ARL13B: variants seen among roughly 807,000 people sequenced by gnomAD.
ARL13B encodes ARF like GTPase 13B.
In ARL13B, 36 loss-of-function variants were observed where a neutral mutation model predicts 56.1. The observed-to-expected ratio is 0.64, with a 90% CI of 0.49 to 0.85. The LOEUF is 0.85. Among genes scored for constraint, ARL13B ranks in the 40% least tolerant of loss-of-function variants. The pLI is 0.00. For synonymous variants in ARL13B, 178 were observed against 171.1 expected, an observed-to-expected ratio of 1.04 and a Z score of -0.32; for missense variants, 519 against 507.1, an observed-to-expected ratio of 1.02 and a Z score of -0.23.
At position 94,053,371 on chromosome 3, in the gene ARL13B, A is replaced by G. The variant is rs775570272; in HGVS notation, c.*108A>G. 1.0e-6 allele frequency: 1 copy of G among 993,424 alleles called. No homozygotes were observed. Among genetic ancestry groups the G allele is most frequent in the South Asian group, 1.3e-5 (1 of 75,526 alleles). The allele number at this position is 993,424 out of a possible 1,614,324, so 61.5% of individuals were successfully genotyped here. A position where few individuals can be genotyped will look rare whatever the true frequency, so the allele number is the denominator to read the frequency against. On this transcript the variant is annotated 3_prime_UTR_variant, in exon 10 of 10. Coordinates refer to ENST00000394222, the MANE Select transcript of ARL13B (RefSeq NM_001174150.2). ...AATTGATGACTGGGGCAAGATAACCATAATAATTTTAGTGAGAAGATTAAT... is the reference window on the plus strand; with the variant it reads ...AATTGATGACTGGGGCAAGATAACCGTAATAATTTTAGTGAGAAGATTAAT...
intron 8 of ARL13B, among the ~76,000 whole-genome samples, chr3:94,049,866 G>A (rs2107193805): frequency 6.6e-6 from 1 of 151,762 alleles, no homozygotes; most frequent in East Asian, 1.9e-4. Flanking sequence ...TTAAAACATT[G>A]AACCGGCTCG....
At chr3:94,005,366 T>C (rs2076117346) in intron 3 of ARL13B, among the ~76,000 whole-genome samples, 1 of 152,214 alleles carries the variant, frequency 6.6e-6, no homozygotes, top group Non-Finnish European at 1.5e-5. Context: ...GTTGCTCTTA[T>C]AATTAGAATG....
At chr3:94,025,761 G>A (rs1012777155) in intron 3 of ARL13B, among the ~76,000 whole-genome samples, 14 of 152,038 alleles carry the variant, frequency 9.2e-5, no homozygotes, top group African/African-American at 3.4e-4. Context: ...GATTTTTATA[G>A]CCTAAGTGGA....
At chr3:94,024,115 A>G (rs2076506338) in intron 3 of ARL13B, among the ~76,000 whole-genome samples, 1 of 152,192 alleles carries the variant, frequency 6.6e-6, no homozygotes, top group Non-Finnish European at 1.5e-5. Flanking sequence ...TGTCACTATG[A>G]ATTGTTTTTT....
At chr3:94,012,536 C>A (rs2076243145) in intron 3 of ARL13B, among the ~76,000 whole-genome samples, 1 of 152,086 alleles carries the variant, frequency 6.6e-6, no homozygotes, top group Non-Finnish European at 1.5e-5. Context: ...GTCAGACTGC[C>A]TGGGTTCATA....
intron 3 of ARL13B, among the ~76,000 whole-genome samples, chr3:94,024,786 C>T (rs2076521924): frequency 6.6e-6 from 1 of 151,998 alleles, no homozygotes. Context: ...TGAGGTCTTG[C>T]TGTGTTGCTC....
At chr3:94,030,279 T>C (rs2076651780) in intron 3 of ARL13B, among the ~76,000 whole-genome samples, 1 of 152,038 alleles carries the variant, frequency 6.6e-6, no homozygotes, top group African/African-American at 2.4e-5. Context: ...CAGCCTGGAG[T>C]GCAGTGGCGC....
rs151043216 is a variant in ARL13B, at chr3:93,996,917, C to T, written c.130+973C>T. 4.6e-5 allele frequency among the ~76,000 whole-genome samples: 7 copies of T among 152,230 alleles called. No individual in the cohort carries two copies. In the East Asian group the frequency reaches 1.4e-3, roughly 30 times the overall value. On this transcript the variant is annotated intron_variant, in intron 2 of 9. Coordinates refer to ENST00000394222, the MANE Select transcript of ARL13B (RefSeq NM_001174150.2). ...GTATTTACATCCTCTCCCCATTACT[C>T]ACATTACTGCCTGAACATTGCCCCC...
At chr3:94,033,754 A>G (rs1467025512) in intron 3 of ARL13B, among the ~76,000 whole-genome samples, 14 of 152,188 alleles carry the variant, frequency 9.2e-5, no homozygotes, top group Admixed American at 9.2e-4. Context: ...TATAAAAGTG[A>G]TATTATATGC....
chr3:93,997,934 T>C (rs551755594), intron 2 of ARL13B, among the ~76,000 whole-genome samples: 114 of 152,162 alleles, frequency 7.5e-4, no homozygotes, highest in African/African-American at 2.7e-3. Flanking sequence ...TTGAGTGAGC[T>C]GGGATTGCGC....
intron 1 of ARL13B, among the ~76,000 whole-genome samples, chr3:93,985,212 G>T (rs1710397540): frequency 6.6e-6 from 1 of 152,154 alleles, no homozygotes; most frequent in Non-Finnish European, 1.5e-5. Context: ...ATAGGGAGCA[G>T]CCTTCATCCT....
rs763107281 is a variant in ARL13B, at chr3:94,014,827, A to G, written c.380+10919A>G. The G allele has an allele frequency of 7.4e-6, 12 of 1,614,134 alleles. No homozygotes were observed. Among genetic ancestry groups the G allele is most frequent in the South Asian group, 1.1e-5 (1 of 91,084 alleles). On this transcript the variant is annotated intron_variant, in intron 3 of 9. Transcript: ENST00000394222. ...TGCTATTGTGTCATTGTATATAAAC[A>G]TGATTTGCTGAAAATGGCGGAACAT...
intron 3 of ARL13B, among the ~76,000 whole-genome samples, chr3:94,016,582 A>G (rs148972376): frequency 6.6e-6 from 1 of 152,294 alleles, no homozygotes; most frequent in African/African-American, 2.4e-5. Flanking sequence ...GTATCTACAG[A>G]GTAGAAGACC....
chr3:94,045,848 G>C (rs2076972681), intron 7 of ARL13B, among the ~76,000 whole-genome samples: 1 of 151,224 alleles, frequency 6.6e-6, no homozygotes, highest in Non-Finnish European at 1.5e-5. Context: ...CTACTCAGGA[G>C]GCTGAGGCAG....
At chr3:93,998,630 A>G (rs2076004353) in intron 2 of ARL13B, among the ~76,000 whole-genome samples, 2 of 152,152 alleles carry the variant, frequency 1.3e-5, no homozygotes, top group Non-Finnish European at 2.9e-5. Context: ...TTTGTCGTAT[A>G]GTCTCCTCTT....
intron 3 of ARL13B, chr3:94,028,760 A>G (rs1241058628): frequency 6.6e-6 from 1 of 152,214 alleles, no homozygotes; most frequent in Non-Finnish European, 1.5e-5. Context: ...CCTACATTGT[A>G]TATGTAATAT....
chr3:93,984,001 T>A (rs1210199222), intron 1 of ARL13B, among the ~76,000 whole-genome samples: 1 of 152,178 alleles, frequency 6.6e-6, no homozygotes, highest in East Asian at 1.9e-4. Flanking sequence ...TTACCACATA[T>A]TTTTTATGTT....
intron 1 of ARL13B, among the ~76,000 whole-genome samples, chr3:93,989,819 A>G (rs1271998532): frequency 6.6e-6 from 1 of 152,132 alleles, no homozygotes; most frequent in African/African-American, 2.4e-5. Context: ...TATGTTACTT[A>G]TTACTAGTAT....
At chr3:94,033,061 G>GT (rs1192193616) in intron 3 of ARL13B, among the ~76,000 whole-genome samples, 6 of 152,170 alleles carry the variant, frequency 3.9e-5, no homozygotes, top group Non-Finnish European at 8.8e-5. Flanking sequence ...AAAAAAGCAT[G>GT]TTTTTTCCAG....
Sources: gnomAD v4.1 joint callset for allele counts (sites outside exome capture counted in the v4.1 genomes callset) on GRCh38, gnomAD v4.1.1 for gene constraint, MANE v1.5 for transcripts, NCBI Gene and HGNC (gene_info 2026-07-23, HGNC 2026-07-21) for gene names.